SNX18: variants seen among roughly 807,000 people sequenced by gnomAD.
SNX18 encodes sorting nexin 18, also known as sorting nexin-18.
In SNX18, 35 loss-of-function variants were observed where a neutral mutation model predicts 48.7. The ratio of observed to expected loss-of-function variants is 0.72; its 90% CI spans 0.55 to 0.95. The LOEUF is 0.95. Among genes scored for constraint, SNX18 ranks in the 40% least tolerant of loss-of-function variants. The pLI is 0.00. For synonymous variants in SNX18, 492 were observed against 384.7 expected (o/e 1.28, Z -3.26); for missense variants, 824 against 871.0 (o/e 0.95, Z 0.68).
At chr5:54,536,444 T>A (rs963037661) in intron 1 of SNX18, among the ~76,000 whole-genome samples, 1 of 144,318 alleles carries the variant, frequency 6.9e-6, no homozygotes, top group African/African-American at 2.5e-5. Context: ...AGTGTTCTCA[T>A]TGTTCAATTC....
At chr5:54,568,177 G>A in the SNX18 span, among the ~76,000 whole-genome samples, 3 of 152,124 alleles carry the variant, frequency 2.0e-5, no homozygotes. Flanking sequence ...CCATTCAAGA[G>A]GGCAAAGACC....
At chr5:54,611,872 C>T in the SNX18 span, among the ~76,000 whole-genome samples, 30 of 124,610 alleles carry the variant, frequency 2.4e-4, no homozygotes, top group Middle Eastern at 8.3e-3. Flanking sequence ...TCTTCTTCTT[C>T]TTCTTCTTCT....
At chr5:54,591,909 G>A in the SNX18 span, among the ~76,000 whole-genome samples, 1 of 148,866 alleles carries the variant, frequency 6.7e-6, no homozygotes, top group Non-Finnish European at 1.5e-5. Flanking sequence ...AAGCCACTAC[G>A]AGTTTTGGAG....
rs772279297 is a variant in SNX18, at chr5:54,519,470, C to T, written c.1518C>T (p.Leu506=). The change falls in exon 1 of 2, where the codon CTC becomes CTT. Residue 506 remains leucine (L), a synonymous_variant. Coordinates refer to ENST00000381410, the MANE Select transcript of SNX18 (RefSeq NM_001102575.2). ...TGDAYDAIGE[L]FAEQPRQDLD... ...ATGCCTATGACGCCATTGGCGAGCTCTTCGCGGAGCAGCCCAGGCAGGACC... is the reference window on the plus strand; with the variant it reads ...ATGCCTATGACGCCATTGGCGAGCTTTTCGCGGAGCAGCCCAGGCAGGACC... 1 of 1,614,210 alleles carries T rather than the reference C, an allele frequency of 6.2e-7. No individual in the cohort carries two copies. The highest frequency in any genetic ancestry group is 1.7e-5 in the Admixed American group (1 of 60,028).
At position 54,519,167 on chromosome 5, in the gene SNX18, C is replaced by G; in HGVS notation, c.1215C>G (p.Ala405=). Residue 405 remains alanine, a synonymous_variant, in exon 1 of 2, where the codon GCC becomes GCG. Coordinates refer to ENST00000381410, the MANE Select transcript of SNX18 (RefSeq NM_001102575.2). Reference sequence around the variant, plus strand: ...CCGAGAAGGACGAGATGGTGGGCGCCAACTTCTTCCTGACCCTTAGCACGC... The same window carrying G: ...CCGAGAAGGACGAGATGGTGGGCGCGAACTTCTTCCTGACCCTTAGCACGC... ...RKAEKDEMVG[A]NFFLTLSTPP... 8 of 1,613,804 alleles carry G rather than the reference C, an allele frequency of 5.0e-6. No homozygotes were observed. The highest frequency in any genetic ancestry group is 6.8e-6 in the Non-Finnish European group (8 of 1,179,786).
At chr5:54,579,614 T>C in the SNX18 span, among the ~76,000 whole-genome samples, 1 of 152,146 alleles carries the variant, frequency 6.6e-6, no homozygotes, top group Non-Finnish European at 1.5e-5. Flanking sequence ...CACCCAAATG[T>C]AAGGGGATGT....
chr5:54,518,816 G>C lies in SNX18; in HGVS notation c.864G>C (p.Lys288Asn). 6.2e-7 allele frequency: 1 copy of C among 1,607,190 alleles called. No individual in the cohort carries two copies. Reference protein sequence around the residue: ...CTIDDPTKQTKFKGMKSYISY... With the variant: ...CTIDDPTKQTNFKGMKSYISY... Reference sequence around the variant, plus strand: ...TCGACGACCCCACCAAGCAGACCAAGTTCAAGGGCATGAAGAGCTACATCT... The same window carrying C: ...TCGACGACCCCACCAAGCAGACCAACTTCAAGGGCATGAAGAGCTACATCT... The change falls in exon 1 of 2, where the codon AAG becomes AAC. Residue 288 changes from lysine to asparagine, a missense_variant. Physicochemically the swap from Lys to Asn is moderately conservative, Grantham distance 94 (BLOSUM62 0). This residue lies in a region of SNX18 where 443 missense variants were observed against 503.6 expected (regional missense o/e 0.88). Coordinates refer to ENST00000381410, the MANE Select transcript of SNX18 (RefSeq NM_001102575.2).
At chr5:54,564,729 G>A in the SNX18 span, among the ~76,000 whole-genome samples, 1 of 152,068 alleles carries the variant, frequency 6.6e-6, no homozygotes, top group Non-Finnish European at 1.5e-5. Context: ...GCGGTGGTAC[G>A]TGCCTGTAGT....
rs1215465019 is a variant in SNX18 at position 54,518,383 on chromosome 5, A to AC, written c.433dup (p.Gln145ProfsTer8). 6.4e-7 allele frequency: 1 copy of AC among 1,573,812 alleles called. No individual in the cohort carries two copies. On this transcript the variant is annotated frameshift_variant, in exon 1 of 2. Transcript: ENST00000381410. LOFTEE classifies it high-confidence loss of function. ...TCGCCTCAGCAGCTCTACGGCGGCT[A>AC]CCAGGCCAGCCAAGGCAGCGATGAT... is the stretch of plus-strand genomic sequence containing the variant.
the SNX18 span, among the ~76,000 whole-genome samples, chr5:54,565,791 G>T: frequency 3.9e-5 from 6 of 152,160 alleles, no homozygotes; most frequent in Non-Finnish European, 5.9e-5. Context: ...TGGATAGGGC[G>T]AGGGGTAAAT....
At chr5:54,598,018 A>G in the SNX18 span, among the ~76,000 whole-genome samples, 1 of 152,178 alleles carries the variant, frequency 6.6e-6, no homozygotes, top group Admixed American at 6.6e-5. Context: ...AAGAAAAAAG[A>G]GAAGAATCAA....
chr5:54,551,274 A>G (rs1048662419), downstream of SNX18, among the ~76,000 whole-genome samples: 1 of 152,186 alleles, frequency 6.6e-6, no homozygotes, highest in Non-Finnish European at 1.5e-5. Flanking sequence ...GCGGACTGCT[A>G]AGAGAATGTG....
chr5:54,584,266 T>C, the SNX18 span, among the ~76,000 whole-genome samples: 4 of 152,038 alleles, frequency 2.6e-5, no homozygotes, highest in Non-Finnish European at 5.9e-5. Context: ...CAGGCTGGTC[T>C]CAAACTCCTG....
chr5:54,636,984 A>AT, the SNX18 span, among the ~76,000 whole-genome samples: 5 of 152,138 alleles, frequency 3.3e-5, no homozygotes, highest in Non-Finnish European at 7.3e-5. Context: ...CAAATATGTT[A>AT]TTTTTTTACC....
At chr5:54,605,843 T>A in the SNX18 span, among the ~76,000 whole-genome samples, 2 of 152,104 alleles carry the variant, frequency 1.3e-5, no homozygotes, top group Non-Finnish European at 2.9e-5. Context: ...AAACTTTTTT[T>A]TGTAGAGACA....
the SNX18 span, among the ~76,000 whole-genome samples, chr5:54,570,529 G>A: frequency 6.6e-6 from 1 of 152,044 alleles, no homozygotes; most frequent in South Asian, 2.1e-4. Context: ...TCTTAAATAG[G>A]CCTAAGACAC....
chr5:54,540,506 C>T lies in SNX18; in HGVS notation c.1622-2673C>T, dbSNP rs568114245. Among the ~76,000 whole-genome samples, 28 of 152,312 alleles carry T rather than the reference C, an allele frequency of 1.8e-4. 1 individual carries two copies. The Middle Eastern group carries it at 0.01, about 56-fold the overall frequency. On this transcript the variant is annotated intron_variant, in intron 1 of 1. Transcript: ENST00000381410. ...TGCCGGGATTTTAGGCATAAGCCAC[C>T]GTGGCAAGCCCTGGACTTGTTGATT...
chr5:54,620,102 A>G, the SNX18 span, among the ~76,000 whole-genome samples: 2 of 152,074 alleles, frequency 1.3e-5, no homozygotes, highest in Non-Finnish European at 2.9e-5. Context: ...TTTGTCCTTC[A>G]GTTTTTCACC....
chr5:54,580,966 G>A, the SNX18 span, among the ~76,000 whole-genome samples: 1 of 152,238 alleles, frequency 6.6e-6, no homozygotes, highest in South Asian at 2.1e-4. Context: ...CTTCAGAGAA[G>A]GGCAATACGG....
Sources: gnomAD v4.1 joint callset for allele counts (sites outside exome capture counted in the v4.1 genomes callset) on GRCh38, gnomAD v4.1.1 for gene constraint, gnomAD v4.1.1 regional missense constraint, MANE v1.5 for transcripts, NCBI Gene and HGNC (gene_info 2026-07-23, HGNC 2026-07-21) for gene names.